SYNRG: variants seen among roughly 807,000 people sequenced by gnomAD.
The protein encoded by SYNRG is AP1 gamma subunit binding protein 1.
In SYNRG, 37 loss-of-function variants were observed where a neutral mutation model predicts 130.9. The ratio of observed to expected loss-of-function variants is 0.28; its 90% CI spans 0.22 to 0.37. The LOEUF is 0.37. Among genes scored for constraint, SYNRG ranks in the 10% least tolerant of loss-of-function variants. The pLI, the probability that SYNRG is intolerant of heterozygous loss-of-function variation, is 1.00. For missense variants in SYNRG, 1,338 were observed against 1,588.9 expected (o/e 0.84, Z 2.68); for synonymous variants, 539 against 568.1 (o/e 0.95, Z 0.73).
Position 37,553,888 on chromosome 17 carries a change from A to C in SYNRG, c.1835T>G (p.Leu612Arg), listed in dbSNP as rs1406530747. 1.2e-6 allele frequency: 2 copies of C among 1,607,254 alleles called. No homozygotes were observed. The highest frequency in any genetic ancestry group is 2.7e-5 in the African/African-American group (2 of 74,334). Residue 612 changes from leucine to arginine, a missense_variant, in exon 14 of 22, where the codon CTG becomes CGG. Leu to Arg is a moderately radical substitution (Grantham distance 102). This residue lies in a region of SYNRG where 1,146 missense variants were observed against 1,342.3 expected (regional missense o/e 0.85). Transcript: ENST00000612223. ...QKQQTQVKNP[L>R]NLADLDMFSS... ...AAACATATCTAGGTCTGCTAAGTTC[A>C]GAGGGTTTTTCACTTGTGTTTGTTG... is the stretch of plus-strand genomic sequence containing the variant.
intron 1 of SYNRG, chr17:37,606,131 A>G (rs566064817): frequency 4.1e-5 from 20 of 486,116 alleles, no homozygotes; most frequent in African/African-American, 4.0e-4. Context: ...GCACAACTCT[A>G]CTTTGCAGTT....
At chr17:37,536,226 T>TGGG in intron 18 of SYNRG, 99 bp from the exon 19 acceptor site, 1 of 1,348,472 alleles carries the variant, frequency 7.4e-7, no homozygotes, top group Non-Finnish European at 9.9e-7. Flanking sequence ...TGAGAAACAA[T>TGGG]GGGTGTATCT....
chr17:37,533,568 ATTTT>A (rs1245362178), intron 19 of SYNRG, among the ~76,000 whole-genome samples: 1 of 148,222 alleles, frequency 6.7e-6, no homozygotes, highest in Non-Finnish European at 1.5e-5. Context: ...ATTTCATTAT[ATTTT>A]CTTTCTTTTC....
chr17:37,558,726 A>C (rs146600631), intron 13 of SYNRG, among the ~76,000 whole-genome samples: 1 of 152,318 alleles, frequency 6.6e-6, no homozygotes, highest in Non-Finnish European at 1.5e-5. Context: ...ACTCATTCTT[A>C]CTGGATTAGT....
intron 10 of SYNRG, 120 bp downstream of exon 10, chr17:37,570,517 A>G: frequency 2.3e-6 from 3 of 1,329,270 alleles, no homozygotes; most frequent in Non-Finnish European, 3.0e-6. Flanking sequence ...GAAAGATACA[A>G]CCTAAGAATT....
Position 37,515,727 on chromosome 17 carries a change from G to A in SYNRG, c.*3213C>T, listed in dbSNP as rs1405035823. The A allele has an allele frequency of 1.3e-5, 2 of 152,254 alleles. No individual in the cohort carries two copies. Among genetic ancestry groups the A allele is most frequent in the Non-Finnish European group, 1.5e-5 (1 of 68,118 alleles). The allele number at this position is 152,254 out of a possible 1,614,324, so 9.4% of individuals were successfully genotyped here. A position where few individuals can be genotyped will look rare whatever the true frequency, so the allele number is the denominator to read the frequency against. On this transcript the variant is annotated 3_prime_UTR_variant, in exon 22 of 22. Transcript: ENST00000612223. ...ACCCGGCTCGGCCTCCCAAAGTGCT[G>A]GGGATTACAGGCGTGAGCCACCACG...
chr17:37,539,654 A>T (rs2057549676), intron 16 of SYNRG, among the ~76,000 whole-genome samples: 1 of 152,228 alleles, frequency 6.6e-6, no homozygotes, highest in Admixed American at 6.5e-5. Flanking sequence ...TACAGGCATG[A>T]GCCACCATGC....
chr17:37,531,910 T>A (rs2056669903), intron 19 of SYNRG, among the ~76,000 whole-genome samples: 2 of 152,230 alleles, frequency 1.3e-5, no homozygotes, highest in African/African-American at 4.8e-5. Flanking sequence ...ACAAAATGGC[T>A]GCGTAAGATC....
intron 19 of SYNRG, among the ~76,000 whole-genome samples, chr17:37,525,848 C>A (rs1035415069): frequency 6.6e-6 from 1 of 152,222 alleles, no homozygotes; most frequent in African/African-American, 2.4e-5. Flanking sequence ...TGCCTGTAAT[C>A]CCAGCTATTC....
rs551184787 is a variant in SYNRG at position 37,516,919 on chromosome 17, G to A, written c.*2021C>T. 7 of 152,186 alleles carry A rather than the reference G, an allele frequency of 4.6e-5. No homozygotes were observed. The highest frequency in any genetic ancestry group is 3.3e-4 in the Admixed American group (5 of 15,274). 9.4% of individuals were successfully genotyped at this position (152,186 alleles called of 1,614,324 possible). ...TTGCAAAGGTAGATTCTGCTGTCAT[G>A]GTTCTGTTATGAAATTTAGGCCAGG... is the stretch of plus-strand genomic sequence containing the variant. On this transcript the variant is annotated 3_prime_UTR_variant, in exon 22 of 22. Coordinates refer to ENST00000612223, the MANE Select transcript of SYNRG (RefSeq NM_007247.6).
rs1597985345 is a variant in SYNRG at position 37,515,394 on chromosome 17, A to G, written c.*3546T>C. On this transcript the variant is annotated 3_prime_UTR_variant, in exon 22 of 22. Coordinates refer to ENST00000612223, the MANE Select transcript of SYNRG (RefSeq NM_007247.6). ...TACAATGCTCCCTTCTGAATGGCAAATGTCTGAAAATGTCAGTTTATTAAC... is the reference window on the plus strand; with the variant it reads ...TACAATGCTCCCTTCTGAATGGCAAGTGTCTGAAAATGTCAGTTTATTAAC... The G allele has an allele frequency of 3.3e-5, 2 of 61,326 alleles. No individual in the cohort carries two copies. Among genetic ancestry groups the G allele is most frequent in the African/African-American group, 3.9e-4 (2 of 5,064 alleles). 3.8% of individuals were successfully genotyped at this position (61,326 alleles called of 1,614,324 possible).
chr17:37,537,795 G>T (rs888911974), intron 18 of SYNRG, among the ~76,000 whole-genome samples: 12 of 152,214 alleles, frequency 7.9e-5, no homozygotes, highest in Non-Finnish European at 1.8e-4. Flanking sequence ...CTCAGAAGCT[G>T]ACATTTGAGT....
intron 11 of SYNRG, chr17:37,568,524 C>T: frequency 3.1e-6 from 1 of 327,264 alleles, no homozygotes; most frequent in Non-Finnish European, 5.6e-6. Flanking sequence ...CACAGGTGAT[C>T]TTAGCTATAA....
chr17:37,607,306 T>C (rs990098327), intron 1 of SYNRG, among the ~76,000 whole-genome samples: 1 of 152,158 alleles, frequency 6.6e-6, no homozygotes, highest in African/African-American at 2.4e-5. Context: ...AAGGGAATAA[T>C]GCACTTGAAT....
Position 37,520,592 on chromosome 17 carries a change from A to G in SYNRG, c.3723T>C (p.Asn1241=). ...ACACTCCACAGGCAAGCTCCTGAGC[A>G]TTTTTAATCCCAGGCCGTAACATAC... The part of the protein sequence containing the change: ...SSCMLRPGIK[N]AQELACGVCL... Residue 1241 remains asparagine (N), a synonymous_variant, in exon 20 of 22, where the codon AAT becomes AAC. Transcript: ENST00000612223. The G allele has an allele frequency of 1.9e-6, 3 of 1,614,156 alleles. No homozygotes were observed. Among genetic ancestry groups the G allele is most frequent in the Non-Finnish European group, 2.5e-6 (3 of 1,180,028 alleles).
intron 7 of SYNRG, 176 bp from the exon 8 acceptor site, chr17:37,576,594 A>G: frequency 5.7e-6 from 3 of 529,734 alleles, no homozygotes; most frequent in Admixed American, 3.5e-5. Flanking sequence ...TTGGTTTTTA[A>G]GCAACTCTTG....
At chr17:37,607,979 A>C (rs1326874730) in intron 1 of SYNRG, among the ~76,000 whole-genome samples, 1 of 145,506 alleles carries the variant, frequency 6.9e-6, no homozygotes, top group Non-Finnish European at 1.5e-5. Context: ...AAAAAAAAAA[A>C]ACAAGACAAA....
intron 13 of SYNRG, among the ~76,000 whole-genome samples, chr17:37,560,919 C>A (rs191841269): frequency 3.3e-4 from 51 of 152,312 alleles, no homozygotes; most frequent in Admixed American, 1.2e-3. Flanking sequence ...CCCTCCTTGG[C>A]CTTCCAAACT....
At chr17:37,538,973 G>A in intron 17 of SYNRG, 1 of 855,454 alleles carries the variant, frequency 1.2e-6, no homozygotes, top group Non-Finnish European at 1.4e-6. Flanking sequence ...TAAACACAAT[G>A]ACAGATGAGG....
Sources: gnomAD v4.1 joint callset for allele counts (sites outside exome capture counted in the v4.1 genomes callset) on GRCh38, gnomAD v4.1.1 for gene constraint, gnomAD v4.1.1 regional missense constraint, MANE v1.5 for transcripts, NCBI Gene and HGNC (gene_info 2026-07-23, HGNC 2026-07-21) for gene names.